The following PRRC2B variants were observed in gnomAD, a reference collection of about 807,000 sequenced individuals.
PRRC2B encodes the protein proline rich coiled-coil 2B.
Under a neutral mutation model 242.3 loss-of-function variants are expected in PRRC2B, and 68 were observed. The observed-to-expected ratio is 0.28, with a 90% CI of 0.23 to 0.34. PRRC2B has a LOEUF of 0.34. Ranked by LOEUF, PRRC2B falls within the 10% of genes least tolerant of loss-of-function variation. The pLI is 1.00. For synonymous variants in PRRC2B, 1,228 were observed against 1,173.6 expected (o/e 1.05, Z -0.95); for missense variants, 2,835 against 2,954.8 (o/e 0.96, Z 0.94).
At chr9:131,394,421 C>T (rs965770582) in intron 1 of PRRC2B, among the ~76,000 whole-genome samples, 158 bp downstream of exon 1, 8 of 146,292 alleles carry the variant, frequency 5.5e-5, no homozygotes, top group African/African-American at 1.5e-4. Context: ...GCCGCCGCCG[C>T]CTCCTTCCCG....
At chr9:131,424,402 A>G (rs1298561137) in intron 1 of PRRC2B, among the ~76,000 whole-genome samples, 2 of 150,666 alleles carry the variant, frequency 1.3e-5, no homozygotes, top group African/African-American at 4.9e-5. Context: ...GGTTGGGGGC[A>G]CTGGCTGGGT....
At chr9:131,396,325 C>CTTT (rs1165485887) in intron 1 of PRRC2B, among the ~76,000 whole-genome samples, 177 of 132,948 alleles carry the variant, frequency 1.3e-3, no homozygotes, top group African/African-American at 3.2e-3. Flanking sequence ...CTTTTCTTTT[C>CTTT]TTTTTTTTTT....
intron 9 of PRRC2B, among the ~76,000 whole-genome samples, chr9:131,451,465 A>G (rs1306645890): frequency 1.3e-5 from 2 of 152,188 alleles, no homozygotes; most frequent in Non-Finnish European, 2.9e-5. Flanking sequence ...TTGAATATAC[A>G]TTAGTTTTAC....
Position 131,395,129 on chromosome 9 carries a change from G to A in PRRC2B, c.-52+866G>A, listed in dbSNP as rs1485321231. Among the ~76,000 whole-genome samples, 11 of 152,072 alleles carry A rather than the reference G, an allele frequency of 7.2e-5. No homozygotes were observed. In the East Asian group the frequency reaches 1.9e-3, roughly 27 times the overall value. On this transcript the variant is annotated intron_variant, in intron 1 of 31. Coordinates refer to ENST00000683519, the MANE Select transcript of PRRC2B (RefSeq NM_013318.4). Reference sequence around the variant, plus strand: ...CGTGGGAGGTCGGAGCCCACCTTTAGGCAAGAATTGGAGGTGTTTTCAGTG... The same window carrying A: ...CGTGGGAGGTCGGAGCCCACCTTTAAGCAAGAATTGGAGGTGTTTTCAGTG...
chr9:131,449,777 T>C (rs999426238), intron 9 of PRRC2B, among the ~76,000 whole-genome samples: 4 of 152,340 alleles, frequency 2.6e-5, no homozygotes, highest in African/African-American at 2.4e-5. Context: ...TTTGTGGTTA[T>C]TATTTTTGTG....
chr9:131,461,180 T>C (rs1427006614), intron 11 of PRRC2B, among the ~76,000 whole-genome samples: 1 of 152,086 alleles, frequency 6.6e-6, no homozygotes, highest in Non-Finnish European at 1.5e-5. Context: ...ACCAATCTCA[T>C]TTCTGCTGCC....
chr9:131,475,055 GAGA>G lies in PRRC2B; in HGVS notation c.2929_2931del (p.Lys977del). On this transcript the variant is annotated inframe_deletion, in exon 16 of 32. Transcript: ENST00000683519. ...GGAGGAGAGTACCCGGCTGGCCAAGGAGAAGGAGCAGAGCCCCACGGCAGAAAA... is the reference window on the plus strand; with the variant it reads ...GGAGGAGAGTACCCGGCTGGCCAAGGAGGAGCAGAGCCCCACGGCAGAAAA... The G allele has an allele frequency of 6.2e-7, 1 of 1,610,710 alleles. No individual in the cohort carries two copies. Among genetic ancestry groups the G allele is most frequent in the Non-Finnish European group, 8.5e-7 (1 of 1,178,408 alleles).
Position 131,492,255 on chromosome 9 carries a change from C to G in PRRC2B, c.6468C>G (p.Thr2156=), listed in dbSNP as rs1381258193. 7 of 1,613,350 alleles carry G rather than the reference C, an allele frequency of 4.3e-6. 1 individual carries two copies. In the East Asian group the frequency reaches 1.6e-4, roughly 36 times the overall value. Residue 2156 remains threonine, a synonymous_variant, in exon 30 of 32, where the codon ACC becomes ACG. Transcript: ENST00000683519. The stretch of plus-strand genomic sequence containing the variant: ...GAGGCCCCGTGCCATCGCCACAGAC[C>G]TACAGGTAAAGCCACTCCCTGGGGA... ...PSGGPVPSPQ[T]YRPSSASPSG... is the part of the protein sequence containing the mutation.
intron 1 of PRRC2B, among the ~76,000 whole-genome samples, chr9:131,419,011 A>G (rs1183916152): frequency 6.6e-6 from 1 of 152,042 alleles, no homozygotes; most frequent in Non-Finnish European, 1.5e-5. Flanking sequence ...AATTTTTTTT[A>G]AGATTTACAG....
chr9:131,495,646 C>T, intron 31 of PRRC2B, 94 bp from the exon 32 acceptor site: 1 of 1,418,162 alleles, frequency 7.1e-7, no homozygotes, highest in Non-Finnish European at 9.6e-7. Context: ...GCTTTCCCTG[C>T]AACTCAGGAG....
chr9:131,449,808 G>A (rs1385447974), intron 9 of PRRC2B, among the ~76,000 whole-genome samples: 1 of 152,006 alleles, frequency 6.6e-6, no homozygotes, highest in Admixed American at 6.6e-5. Context: ...AAAAATGTTT[G>A]CTTCCCCTTG....
At chr9:131,459,840 C>T (rs968263825) in intron 11 of PRRC2B, among the ~76,000 whole-genome samples, 1 of 151,842 alleles carries the variant, frequency 6.6e-6, no homozygotes, top group Admixed American at 6.6e-5. Context: ...TATTTGTCTT[C>T]TTGTTATAGT....
At chr9:131,470,501 C>G (rs1179929736) in intron 13 of PRRC2B, among the ~76,000 whole-genome samples, 1 of 152,146 alleles carries the variant, frequency 6.6e-6, no homozygotes, top group African/African-American at 2.4e-5. Context: ...CCAGGAGTGT[C>G]TGATCTAGGT....
rs745778308 is a variant in PRRC2B, at chr9:131,474,775, A to T, written c.2646A>T (p.Thr882=). ...GCCACCAGCCAGAGACCGCTGACACAGCCCATGGTGTTGAGCGGGAGACAC... is the reference window on the plus strand; with the variant it reads ...GCCACCAGCCAGAGACCGCTGACACTGCCCATGGTGTTGAGCGGGAGACAC... ...DVSHQPETAD[T]AHGVERETPR... is the part of the protein sequence containing the mutation. The change falls in exon 16 of 32, where the codon ACA becomes ACT. Residue 882 remains threonine (T), a synonymous_variant. Coordinates refer to ENST00000683519, the MANE Select transcript of PRRC2B (RefSeq NM_013318.4). 1 of 1,612,714 alleles carries T rather than the reference A, an allele frequency of 6.2e-7. No homozygotes were observed.
At chr9:131,394,330 C>T (rs1836978712) in intron 1 of PRRC2B, 67 bp downstream of exon 1, 2 of 146,296 alleles carry the variant, frequency 1.4e-5, no homozygotes, top group African/African-American at 4.9e-5. Context: ...GCGGCGCGGC[C>T]CGGCCGGGCT....
chr9:131,402,247 C>T (rs1394809175), intron 1 of PRRC2B, among the ~76,000 whole-genome samples: 5 of 152,232 alleles, frequency 3.3e-5, no homozygotes, highest in Non-Finnish European at 1.5e-5. Context: ...TGTGTAATCC[C>T]ATGGTGGCAA....
intron 25 of PRRC2B, 134 bp downstream of exon 25, chr9:131,485,274 C>G: frequency 2.7e-6 from 2 of 728,472 alleles, no homozygotes; most frequent in Non-Finnish European, 4.4e-6. Context: ...TTTTTAGGCC[C>G]AGTGGTCGTA....
intron 26 of PRRC2B, chr9:131,486,547 C>T: frequency 1.0e-6 from 1 of 985,198 alleles, no homozygotes; most frequent in Non-Finnish European, 1.2e-6. Flanking sequence ...AAGAGGTAGT[C>T]TTAGAAATGA....
intron 12 of PRRC2B, among the ~76,000 whole-genome samples, chr9:131,465,514 C>T (rs1043942975): frequency 6.6e-6 from 1 of 152,182 alleles, no homozygotes; most frequent in Non-Finnish European, 1.5e-5. Flanking sequence ...GGGTGTACAG[C>T]ACGCTCCAGT....
Sources: gnomAD v4.1 joint callset for allele counts (sites outside exome capture counted in the v4.1 genomes callset) on GRCh38, gnomAD v4.1.1 for gene constraint, MANE v1.5 for transcripts, NCBI Gene and HGNC (gene_info 2026-07-23, HGNC 2026-07-21) for gene names.